The following ZNF503 variants were observed in gnomAD, a reference collection of about 807,000 sequenced individuals.
The protein encoded by ZNF503 is zinc finger protein 503.
A neutral mutation model predicts 34.4 loss-of-function variants in ZNF503; 15 were observed. The observed-to-expected ratio is 0.44, with a 90% CI of 0.29 to 0.67. The LOEUF (loss-of-function observed/expected upper bound fraction) is 0.67. Ranked by LOEUF, ZNF503 falls within the 30% of genes least tolerant of loss-of-function variation. The probability of loss-of-function intolerance (pLI) is 0.13; values close to 1 mark genes in which losing one functional copy is unlikely to be tolerated. For missense variants in ZNF503, 1,007 were observed against 926.8 expected, an observed-to-expected ratio of 1.09 and a Z score of -1.12; for synonymous variants, 580 against 456.8, an observed-to-expected ratio of 1.27 and a Z score of -3.44.
the ZNF503 span, among the ~76,000 whole-genome samples, chr10:75,284,679 T>C: frequency 6.6e-6 from 1 of 152,138 alleles, no homozygotes; most frequent in Non-Finnish European, 1.5e-5. Context: ...ACCTTCAAGC[T>C]GATGGTCTCA....
chr10:75,346,129 A>G, the ZNF503 span, among the ~76,000 whole-genome samples: 1 of 152,140 alleles, frequency 6.6e-6, no homozygotes, highest in East Asian at 1.9e-4. Context: ...AGGTGAGGGG[A>G]TGGAGATCCT....
At chr10:75,340,836 C>G in the ZNF503 span, among the ~76,000 whole-genome samples, 2 of 152,078 alleles carry the variant, frequency 1.3e-5, no homozygotes, top group African/African-American at 4.8e-5. Flanking sequence ...CTCCTGACCT[C>G]GTGATCCACC....
the ZNF503 span, chr10:75,361,798 A>G: frequency 6.6e-6 from 1 of 152,170 alleles, no homozygotes; most frequent in African/African-American, 2.4e-5. Flanking sequence ...GTCTCTGGAC[A>G]TCAGTATAAG....
chr10:75,323,895 G>T, the ZNF503 span, among the ~76,000 whole-genome samples: 1 of 151,178 alleles, frequency 6.6e-6, no homozygotes, highest in African/African-American at 2.4e-5. Context: ...CCAGCTACTT[G>T]GGAGGCTGAG....
At chr10:75,328,582 G>A in the ZNF503 span, among the ~76,000 whole-genome samples, 2 of 151,820 alleles carry the variant, frequency 1.3e-5, no homozygotes, top group Non-Finnish European at 2.9e-5. Context: ...GCTATTTGGG[G>A]TCTTCTGCGG....
the ZNF503 span, among the ~76,000 whole-genome samples, chr10:75,345,059 C>T: frequency 6.6e-6 from 1 of 152,172 alleles, no homozygotes; most frequent in Non-Finnish European, 1.5e-5. Context: ...TAAGGCAAAA[C>T]TAGATTTTCT....
At chr10:75,283,784 T>A in the ZNF503 span, 4 of 152,320 alleles carry the variant, frequency 2.6e-5, no homozygotes, top group South Asian at 2.1e-4. Context: ...GATCTGTCAT[T>A]CAGCGTACAG....
the ZNF503 span, among the ~76,000 whole-genome samples, chr10:75,289,192 C>T: frequency 6.6e-6 from 1 of 152,090 alleles, no homozygotes; most frequent in Non-Finnish European, 1.5e-5. Context: ...AGGGGCAAGG[C>T]TTGGTTTTGA....
the ZNF503 span, among the ~76,000 whole-genome samples, chr10:75,344,958 A>G: frequency 6.6e-6 from 1 of 152,216 alleles, no homozygotes; most frequent in Non-Finnish European, 1.5e-5. Flanking sequence ...AACCCCTTTA[A>G]GCCACCCATG....
chr10:75,315,503 T>G, the ZNF503 span, among the ~76,000 whole-genome samples: 1 of 152,246 alleles, frequency 6.6e-6, no homozygotes, highest in Non-Finnish European at 1.5e-5. Context: ...TGAAATGGTG[T>G]TGTTATCATG....
At chr10:75,394,683 G>A (rs139053975), downstream of ZNF503, among the ~76,000 whole-genome samples, 1,334 of 152,360 alleles carry the variant, frequency 8.8e-3, 11 homozygotes, top group Non-Finnish European at 0.012. Context: ...GCATAAGTGT[G>A]TGCCACACGT....
At chr10:75,300,380 G>A in the ZNF503 span, among the ~76,000 whole-genome samples, 46 of 152,186 alleles carry the variant, frequency 3.0e-4, no homozygotes, top group Non-Finnish European at 5.0e-4. Flanking sequence ...TGCAGTTAAC[G>A]CAATCATCAC....
At chr10:75,343,634 C>T in the ZNF503 span, among the ~76,000 whole-genome samples, 1 of 152,194 alleles carries the variant, frequency 6.6e-6, no homozygotes, top group Non-Finnish European at 1.5e-5. Flanking sequence ...GTACAAAATC[C>T]ACCCAAATCC....
At chr10:75,363,266 G>C in the ZNF503 span, among the ~76,000 whole-genome samples, 8 of 152,282 alleles carry the variant, frequency 5.3e-5, no homozygotes, top group African/African-American at 1.9e-4. Flanking sequence ...GCAGACCTCT[G>C]GGGCTGTATT....
rs377695668 is a variant in ZNF503 at position 75,399,881 on chromosome 10, G to T, written c.809C>A (p.Ala270Asp). 29 of 1,600,384 alleles carry T rather than the reference G, an allele frequency of 1.8e-5. No homozygotes were observed. In the African/African-American group the frequency reaches 3.5e-4, roughly 19 times the overall value. ...VGGGGKGTGG[A>D]SAEGGPTGLA... ...CCCCGTGGGTCCCCCTTCGGCCGAG[G>T]CGCCCCCGGTGCCCTTGCCACCGCC... Residue 270 changes from alanine (A) to aspartate (D), a missense_variant, in exon 2 of 2, where the codon GCC becomes GAC. Coordinates refer to ENST00000372524, the MANE Select transcript of ZNF503 (RefSeq NM_032772.6).
In ZNF503 at chr10:75,398,678, G is replaced by C. The variant is rs1213516462; in HGVS notation, c.*71C>G. On this transcript the variant is annotated 3_prime_UTR_variant, in exon 2 of 2. Transcript: ENST00000372524. Reference sequence around the variant, plus strand: ...CGCGGGTGTCAGCAGCCTGGGCCGTGATCCCGCCTCTCCCTGGACTCCTCC... The same window carrying C: ...CGCGGGTGTCAGCAGCCTGGGCCGTCATCCCGCCTCTCCCTGGACTCCTCC... The C allele has an allele frequency of 1.4e-5, 18 of 1,291,412 alleles. No individual in the cohort carries two copies. Among genetic ancestry groups the C allele is most frequent in the Non-Finnish European group, 1.7e-5 (17 of 1,018,132 alleles). The allele number at this position is 1,291,412 out of a possible 1,614,324, so 80.0% of individuals were successfully genotyped here.
At chr10:75,382,514 T>C in the ZNF503 span, 1 of 727,344 alleles carries the variant, frequency 1.4e-6, no homozygotes, top group Non-Finnish European at 2.2e-6. Context: ...TTCTTTTTCC[T>C]TATCTTCCTC....
chr10:75,280,511 G>A, the ZNF503 span, among the ~76,000 whole-genome samples: 2 of 152,050 alleles, frequency 1.3e-5, no homozygotes, highest in Admixed American at 1.3e-4. Context: ...ACATCTCCCT[G>A]GAGATGATTG....
the ZNF503 span, among the ~76,000 whole-genome samples, chr10:75,388,883 G>A: frequency 6.6e-6 from 1 of 152,192 alleles, no homozygotes; most frequent in African/African-American, 2.4e-5. Context: ...TTTCCTTCAA[G>A]GTCAAGGATT....
Sources: gnomAD v4.1 joint callset for allele counts (sites outside exome capture counted in the v4.1 genomes callset) on GRCh38, gnomAD v4.1.1 for gene constraint, MANE v1.5 for transcripts, NCBI Gene and HGNC (gene_info 2026-07-23, HGNC 2026-07-21) for gene names.